The following FGF14 variants were observed in gnomAD, a reference collection of about 807,000 sequenced individuals.
FGF14 encodes the protein fibroblast growth factor 14.
FGF14 carries 5 observed loss-of-function variants against 25.5 expected under a neutral mutation model. The observed-to-expected ratio is 0.20, with a 90% CI of 0.10 to 0.41. The LOEUF (loss-of-function observed/expected upper bound fraction) is 0.41. Among genes scored for constraint, FGF14 ranks in the 10% least tolerant of loss-of-function variants. The pLI, the probability that FGF14 is intolerant of heterozygous loss-of-function variation, is 1.00. For synonymous variants in FGF14, 138 were observed against 118.3 expected (o/e 1.17, Z -1.08); for missense variants, 222 against 320.1 (o/e 0.69, Z 2.34).
Position 101,714,505 on chromosome 13 carries a change from CTG to C in FGF14, c.*8324_*8325del. 1 of 1,612,268 alleles carries C rather than the reference CTG, an allele frequency of 6.2e-7. No individual in the cohort carries two copies. Reference sequence around the variant, plus strand: ...GGTATATTTCTGGGGAGTTCTGTGACTGTGATGACAGAGACTGCGACAAACAT... The same window carrying C: ...GGTATATTTCTGGGGAGTTCTGTGACTGATGACAGAGACTGCGACAAACAT... On this transcript the variant is annotated 3_prime_UTR_variant, in exon 5 of 5. Coordinates refer to ENST00000376143, the MANE Select transcript of FGF14 (RefSeq NM_004115.4).
At chr13:102,020,579 A>T (rs1001530461) in intron 1 of FGF14, among the ~76,000 whole-genome samples, 1 of 151,388 alleles carries the variant, frequency 6.6e-6, no homozygotes, top group Non-Finnish European at 1.5e-5. Flanking sequence ...GAAGGAAGGA[A>T]ACAAAAGAGA....
At chr13:102,179,844 T>TG (rs1383521781) in intron 1 of FGF14, among the ~76,000 whole-genome samples, 1 of 152,184 alleles carries the variant, frequency 6.6e-6, no homozygotes, top group Admixed American at 6.5e-5. Flanking sequence ...TAGGATTACG[T>TG]GGACCCTAGC....
chr13:101,809,192 A>C (rs1376310057), intron 3 of FGF14, among the ~76,000 whole-genome samples: 1 of 152,158 alleles, frequency 6.6e-6, no homozygotes, highest in Non-Finnish European at 1.5e-5. Flanking sequence ...ATAATATGTA[A>C]AGATAAGTTG....
chr13:101,741,622 A>G (rs1410452704), intron 3 of FGF14, among the ~76,000 whole-genome samples: 4 of 128,154 alleles, frequency 3.1e-5, no homozygotes, highest in Non-Finnish European at 5.1e-5. Context: ...TTATGCTCAC[A>G]TTTTATTACA....
intron 1 of FGF14, among the ~76,000 whole-genome samples, chr13:102,245,918 T>C (rs1277717995): frequency 3.3e-5 from 5 of 152,112 alleles, no homozygotes; most frequent in Admixed American, 2.0e-4. Flanking sequence ...CTTAGCAGCT[T>C]ACAGTCTGGT....
In FGF14 at chr13:102,387,080, A is replaced by C. The variant is rs182615604; in HGVS notation, c.208+14391T>G. Among the ~76,000 whole-genome samples the C allele has an allele frequency of 2.2e-4, 33 of 152,332 alleles. No homozygotes were observed. In the East Asian group the frequency reaches 4.4e-3, roughly 20 times the overall value. Reference sequence around the variant, plus strand: ...ACCAGTCTTATAAACCATGATTTCCAATAAGGATCCTAGTTTTAAATCAAA... The same window carrying C: ...ACCAGTCTTATAAACCATGATTTCCCATAAGGATCCTAGTTTTAAATCAAA... On this transcript the variant is annotated intron_variant, in intron 1 of 4. Coordinates refer to the FGF14 transcript ENST00000376131.
chr13:102,306,658 T>C (rs950234077), intron 1 of FGF14, among the ~76,000 whole-genome samples: 4 of 151,898 alleles, frequency 2.6e-5, no homozygotes, highest in Non-Finnish European at 4.4e-5. Flanking sequence ...AATAATCACA[T>C]AAGTATTTCT....
chr13:102,376,790 G>A (rs1049116400), intron 1 of FGF14, among the ~76,000 whole-genome samples: 16 of 152,128 alleles, frequency 1.1e-4, no homozygotes, highest in African/African-American at 2.7e-4. Context: ...TTTGAATCAG[G>A]TCATCTTCAC....
At chr13:102,230,481 T>C (rs545620431) in intron 1 of FGF14, among the ~76,000 whole-genome samples, 40 of 152,242 alleles carry the variant, frequency 2.6e-4, no homozygotes, top group South Asian at 8.3e-4. Context: ...AAAGGTATAC[T>C]GGGAGTACAA....
intron 1 of FGF14, among the ~76,000 whole-genome samples, chr13:102,308,131 C>T (rs1212502301): frequency 6.6e-6 from 1 of 152,252 alleles, no homozygotes; most frequent in Non-Finnish European, 1.5e-5. Flanking sequence ...TAAGAACCTT[C>T]AGAAGACTAT....
At chr13:102,298,893 C>T (rs1240427137) in intron 1 of FGF14, among the ~76,000 whole-genome samples, 1 of 152,062 alleles carries the variant, frequency 6.6e-6, no homozygotes, top group Non-Finnish European at 1.5e-5. Context: ...TAAGTAGGAG[C>T]GAAGATGAGA....
chr13:102,299,272 T>C lies in FGF14; in HGVS notation c.208+102199A>G, dbSNP rs1232393776. Among the ~76,000 whole-genome samples, 3 of 149,632 alleles carry C rather than the reference T, an allele frequency of 2.0e-5. No homozygotes were observed. In the East Asian group the frequency reaches 6.4e-4, roughly 32 times the overall value. On this transcript the variant is annotated intron_variant, in intron 1 of 4. Coordinates refer to the FGF14 transcript ENST00000376131. ...AGGGTGGTTGAGTCTGAAGTATGGT[T>C]TGGAGAAGTGATTTTTTTAAATAGG...
chr13:102,272,212 C>T (rs2053283406), intron 1 of FGF14, among the ~76,000 whole-genome samples: 1 of 152,154 alleles, frequency 6.6e-6, no homozygotes, highest in South Asian at 2.1e-4. Context: ...TTCCCTCTTT[C>T]ACTTTCTTGG....
At chr13:101,868,412 A>T (rs1028548493) in intron 3 of FGF14, 1 of 236,786 alleles carries the variant, frequency 4.2e-6, no homozygotes, top group Non-Finnish European at 8.4e-6. Flanking sequence ...TTTTAAAAAC[A>T]TTATAAGAAA....
intron 1 of FGF14, among the ~76,000 whole-genome samples, chr13:102,348,089 G>A (rs1434385205): frequency 6.6e-6 from 1 of 151,460 alleles, no homozygotes; most frequent in African/African-American, 2.4e-5. Context: ...GCTTTGATGT[G>A]GGCAAGTGTA....
At chr13:101,991,915 T>C (rs2038931726) in intron 1 of FGF14, among the ~76,000 whole-genome samples, 1 of 151,898 alleles carries the variant, frequency 6.6e-6, no homozygotes, top group African/African-American at 2.4e-5. Context: ...AGTGACCTTT[T>C]TGAAATATGT....
At chr13:101,807,961 GA>G (rs1203335059) in intron 3 of FGF14, among the ~76,000 whole-genome samples, 2 of 152,020 alleles carry the variant, frequency 1.3e-5, no homozygotes, top group African/African-American at 4.8e-5. Context: ...GTAGACACCA[GA>G]AATTATTTGT....
chr13:101,888,845 G>A (rs1387915243), intron 1 of FGF14, among the ~76,000 whole-genome samples: 1 of 150,954 alleles, frequency 6.6e-6, no homozygotes, highest in Non-Finnish European at 1.5e-5. Flanking sequence ...GCATCAAAGG[G>A]AGTATTATTA....
chr13:101,985,083 T>G (rs548757039), intron 1 of FGF14, among the ~76,000 whole-genome samples: 7,570 of 54,820 alleles, frequency 0.14, 255 homozygotes, highest in Admixed American at 0.17. Context: ...TTTTTTTGTT[T>G]TTTTTTTTTT....
Sources: allele counts gnomAD v4.1 joint callset (sites outside exome capture counted in the v4.1 genomes callset), GRCh38; gene constraint gnomAD v4.1.1; transcripts MANE v1.5; gene names NCBI Gene and HGNC (gene_info 2026-07-23, HGNC 2026-07-21).